The following MED27 variants were observed in gnomAD, a reference collection of about 807,000 sequenced individuals.
The protein encoded by MED27 is mediator of RNA polymerase II transcription subunit 27.
In MED27, 30 loss-of-function variants were observed where a neutral mutation model predicts 38.2. The ratio of observed to expected loss-of-function variants is 0.79; its 90% CI spans 0.59 to 1.07. The LOEUF (loss-of-function observed/expected upper bound fraction) is 1.07, where lower values mean the gene tolerates loss of function less well. Among genes scored for constraint, MED27 ranks in the 50% least tolerant of loss-of-function variants. The probability of loss-of-function intolerance (pLI) is 0.00; values close to 1 mark genes in which losing one functional copy is unlikely to be tolerated. For synonymous variants in MED27, 122 were observed against 153.5 expected (o/e 0.79, Z 1.52); for missense variants, 289 against 397.5 (o/e 0.73, Z 2.32).
At chr9:131,937,211 T>C (rs1830701140) in intron 4 of MED27, among the ~76,000 whole-genome samples, 2 of 152,142 alleles carry the variant, frequency 1.3e-5, no homozygotes, top group South Asian at 4.1e-4. Context: ...CAACTTTTAA[T>C]AGTAAATGCC....
intron 2 of MED27, among the ~76,000 whole-genome samples, chr9:132,045,413 TACACACACACAC>T (rs61360267): frequency 6.7e-4 from 97 of 144,494 alleles, no homozygotes; most frequent in African/African-American, 2.2e-3. Flanking sequence ...AAGAGGAAAT[TACACACACACAC>T]ACACACACAC....
intron 3 of MED27, among the ~76,000 whole-genome samples, chr9:131,965,310 G>A (rs1831314168): frequency 6.6e-6 from 1 of 152,310 alleles, no homozygotes; most frequent in East Asian, 1.9e-4. Context: ...CTAGCGCGAG[G>A]CCATGGCATT....
intron 3 of MED27, among the ~76,000 whole-genome samples, chr9:131,980,390 A>T (rs1831705955): frequency 6.6e-6 from 1 of 152,308 alleles, no homozygotes; most frequent in African/African-American, 2.4e-5. Context: ...ACTATTGTGC[A>T]ATCAGCAGAA....
chr9:131,908,464 A>G (rs1431936706), intron 4 of MED27, among the ~76,000 whole-genome samples: 1 of 152,230 alleles, frequency 6.6e-6, no homozygotes, highest in Non-Finnish European at 1.5e-5. Context: ...AGATTGAGAA[A>G]TCGGATGGGT....
intron 6 of MED27, 33 bp downstream of exon 6, chr9:131,884,025 C>T: frequency 6.3e-7 from 1 of 1,593,776 alleles, no homozygotes; most frequent in South Asian, 1.1e-5. Flanking sequence ...TTTCCTAATG[C>T]CGCTTGAGTA....
chr9:132,073,887 A>C, intron 2 of MED27: 1 of 1,144,842 alleles, frequency 8.7e-7, no homozygotes, highest in South Asian at 2.1e-5. Flanking sequence ...CGGACGTCTT[A>C]GTCTGCTTTT....
At chr9:132,014,572 A>G (rs771572396) in intron 2 of MED27, 105 bp from the exon 3 acceptor site, 64 of 1,159,334 alleles carry the variant, frequency 5.5e-5, no homozygotes, top group Non-Finnish European at 6.8e-5. Flanking sequence ...CCCTTAGAAC[A>G]TTTTAAGTAA....
At chr9:131,921,166 A>G (rs1564283923) in intron 4 of MED27, among the ~76,000 whole-genome samples, 1 of 152,206 alleles carries the variant, frequency 6.6e-6, no homozygotes, top group East Asian at 1.9e-4. Context: ...AGGCTCACAG[A>G]AAGTTCCAAC....
chr9:131,958,073 T>C (rs1831141355), intron 3 of MED27, among the ~76,000 whole-genome samples: 1 of 152,080 alleles, frequency 6.6e-6, no homozygotes, highest in South Asian at 2.1e-4. Context: ...TAGATGCATA[T>C]ATTTGTCAAA....
chr9:132,027,744 T>C lies in MED27; in HGVS notation c.349-13277A>G, dbSNP rs149187642. On this transcript the variant is annotated intron_variant, in intron 2 of 7. Transcript: ENST00000292035. Reference sequence around the variant, plus strand: ...TAGTGTGAATAGTCATACATTTTGCTGCACAAAATTTGATTACAGGGTACT... The same window carrying C: ...TAGTGTGAATAGTCATACATTTTGCCGCACAAAATTTGATTACAGGGTACT... Among the ~76,000 whole-genome samples, 63 of 152,370 alleles carry C rather than the reference T, an allele frequency of 4.1e-4. 2 individuals carry two copies. In the East Asian group the frequency reaches 0.012, roughly 28 times the overall value.
At chr9:131,869,796 GTC>G (rs1415345980) in intron 6 of MED27, among the ~76,000 whole-genome samples, 15 of 152,170 alleles carry the variant, frequency 9.9e-5, no homozygotes, top group African/African-American at 3.4e-4. Context: ...AGGCAGAGAA[GTC>G]TCAGATGCCT....
At chr9:131,877,034 A>G (rs4740324) in intron 6 of MED27, among the ~76,000 whole-genome samples, 130,246 of 152,186 alleles carry the variant, frequency 0.86, 55,828 homozygotes, top group Middle Eastern at 0.88. Flanking sequence ...GCTGAGATCT[A>G]TAAAAGACAG....
chr9:131,888,106 G>A (rs1445697554), intron 5 of MED27, among the ~76,000 whole-genome samples: 1 of 152,202 alleles, frequency 6.6e-6, no homozygotes, highest in African/African-American at 2.4e-5. Context: ...TCAGCAGGCA[G>A]GTGATTCTGT....
chr9:131,907,908 C>A (rs1418937801), intron 4 of MED27, among the ~76,000 whole-genome samples: 1 of 150,442 alleles, frequency 6.6e-6, no homozygotes, highest in Admixed American at 6.6e-5. Context: ...TGCCCGGCCG[C>A]GACCCCGTCT....
At chr9:131,939,909 T>G (rs1268036346) in intron 3 of MED27, among the ~76,000 whole-genome samples, 2 of 150,934 alleles carry the variant, frequency 1.3e-5, no homozygotes, top group Non-Finnish European at 3.0e-5. Flanking sequence ...CCTTTTTTTT[T>G]TTTTTTTTTT....
At chr9:131,929,670 C>T (rs1830545345) in intron 4 of MED27, among the ~76,000 whole-genome samples, 2 of 152,158 alleles carry the variant, frequency 1.3e-5, no homozygotes, top group South Asian at 4.1e-4. Context: ...CTGGGAGAGG[C>T]TCTTCTGCCT....
chr9:131,880,401 A>G (rs935113215), intron 6 of MED27, among the ~76,000 whole-genome samples: 2 of 152,234 alleles, frequency 1.3e-5, no homozygotes, highest in Admixed American at 6.5e-5. Flanking sequence ...AAGGACTTCA[A>G]TGTTATCTGC....
At position 131,860,754 on chromosome 9, in the gene MED27, C is replaced by T; in HGVS notation, c.802-82G>A. The T allele has an allele frequency of 6.6e-7, 1 of 1,516,492 alleles. No individual in the cohort carries two copies. The highest frequency in any genetic ancestry group is 1.2e-5 in the South Asian group (1 of 82,330). The allele number at this position is 1,516,492 out of a possible 1,614,324, so 93.9% of individuals were successfully genotyped here. A position where few individuals can be genotyped will look rare whatever the true frequency, so the allele number is the denominator to read the frequency against. On this transcript the variant is annotated intron_variant, in intron 7 of 7. Coordinates refer to ENST00000292035, the MANE Select transcript of MED27 (RefSeq NM_004269.4). This position sits in a 1 kb window ranked among gnomAD's most constrained non-coding sequence, Gnocchi z 5.8. ...CCTCCTTCCTATCAAGCCTAATGGC[C>T]CAGACAACTTAAGTTGGCTTTGGCC... is the stretch of plus-strand genomic sequence containing the variant.
At chr9:132,010,400 G>A (rs1832460116) in intron 3 of MED27, among the ~76,000 whole-genome samples, 3 of 152,338 alleles carry the variant, frequency 2.0e-5, no homozygotes, top group Admixed American at 2.0e-4. Context: ...TGGAGAGGAT[G>A]TGGAGAAATA....
Sources: gnomAD v4.1 joint callset for allele counts (sites outside exome capture counted in the v4.1 genomes callset) on GRCh38, gnomAD v4.1.1 for gene constraint, Gnocchi (gnomAD v3.1) non-coding constraint, MANE v1.5 for transcripts, NCBI Gene and HGNC (gene_info 2026-07-23, HGNC 2026-07-21) for gene names.